EYS: variants seen among roughly 807,000 people sequenced by gnomAD.
EYS encodes protein eyes shut homolog.
In EYS, 250 loss-of-function variants were observed where a neutral mutation model predicts 282.1. The ratio of observed to expected loss-of-function variants is 0.89; its 90% confidence interval spans 0.80 to 0.98. The LOEUF (loss-of-function observed/expected upper bound fraction) is 0.98. Ranked by LOEUF, EYS falls within the 50% of genes least tolerant of loss-of-function variation. The pLI, the probability that EYS is intolerant of heterozygous loss-of-function variation, is 0.00. For synonymous variants in EYS, 1,355 were observed against 1,282.9 expected (o/e 1.06, Z -1.20); for missense variants, 4,016 against 3,709.0 (o/e 1.08, Z -2.15).
chr6:65,013,434 A>T (rs1003284520), intron 13 of EYS, among the ~76,000 whole-genome samples: 1 of 152,140 alleles, frequency 6.6e-6, no homozygotes, highest in African/African-American at 2.4e-5. Context: ...AAGAACAATG[A>T]TGGGTTCAAA....
At chr6:65,149,656 G>A (rs1764564550) in intron 12 of EYS, among the ~76,000 whole-genome samples, 1 of 151,886 alleles carries the variant, frequency 6.6e-6, no homozygotes, top group Non-Finnish European at 1.5e-5. Context: ...CATTCAACAT[G>A]TCTCTAGGAA....
intron 12 of EYS, among the ~76,000 whole-genome samples, chr6:65,192,918 C>T (rs1380722692): frequency 1.3e-5 from 2 of 151,778 alleles, no homozygotes; most frequent in Non-Finnish European, 2.9e-5. Flanking sequence ...GGGTTGGGAA[C>T]ATGTTAACTC....
chr6:64,373,298 G>A (rs375402995), intron 29 of EYS, among the ~76,000 whole-genome samples: 205 of 152,136 alleles, frequency 1.3e-3, no homozygotes, highest in African/African-American at 4.7e-3. Context: ...TGGTTGAATG[G>A]CTTCACTTCT....
intron 12 of EYS, among the ~76,000 whole-genome samples, chr6:65,139,058 T>G (rs1764247108): frequency 6.6e-6 from 1 of 152,026 alleles, no homozygotes; most frequent in South Asian, 2.1e-4. Context: ...AGAATTACCA[T>G]TTAACCCAGA....
chr6:64,964,493 G>A (rs989232837), intron 14 of EYS, among the ~76,000 whole-genome samples: 2 of 151,884 alleles, frequency 1.3e-5, no homozygotes, highest in African/African-American at 4.8e-5. Context: ...CCTGTCCACT[G>A]AGATAATTCG....
At chr6:63,748,975 C>CA (rs553371554) in intron 41 of EYS, among the ~76,000 whole-genome samples, 279 of 152,124 alleles carry the variant, frequency 1.8e-3, no homozygotes, top group Non-Finnish European at 3.3e-3. Context: ...TTTTGTGTCT[C>CA]AATCTCCTTC....
chr6:64,987,435 C>A (rs979356311), intron 14 of EYS, among the ~76,000 whole-genome samples: 8 of 151,476 alleles, frequency 5.3e-5, no homozygotes, highest in African/African-American at 1.5e-4. Context: ...ATCCCCAAAG[C>A]GGGAATACCA....
chr6:63,723,462 G>A (rs946696220), intron 42 of EYS, among the ~76,000 whole-genome samples: 1 of 152,106 alleles, frequency 6.6e-6, no homozygotes, highest in African/African-American at 2.4e-5. Flanking sequence ...CTTGCTCCTT[G>A]TGTTGTAGAG....
Position 65,558,650 on chromosome 6 carries a change from A to G in EYS, c.-332-62657T>C, listed in dbSNP as rs574302161. ...GCCACCACTGCCACCAACAAGATGA[A>G]CAACAAGAATACAGCAAGAAACACA... On this transcript the variant is annotated intron_variant, in intron 2 of 42. Transcript: ENST00000503581. Among the ~76,000 whole-genome samples, 8 of 152,334 alleles carry G rather than the reference A, an allele frequency of 5.3e-5. No individual in the cohort carries two copies. The South Asian group carries it at 8.3e-4, about 16-fold the overall frequency.
At chr6:63,896,242 A>T (rs1315379209) in intron 35 of EYS, among the ~76,000 whole-genome samples, 1 of 152,046 alleles carries the variant, frequency 6.6e-6, no homozygotes, top group Non-Finnish European at 1.5e-5. Flanking sequence ...ATTTAATTCC[A>T]CTGTATCGTG....
rs574327470 is a variant in EYS, at chr6:64,412,967, T to G, written c.5927+23207A>C. Among the ~76,000 whole-genome samples, 37 of 152,256 alleles carry G rather than the reference T, an allele frequency of 2.4e-4. 1 individual carries two copies. In the South Asian group the frequency reaches 7.7e-3, roughly 32 times the overall value. On this transcript the variant is annotated intron_variant, in intron 28 of 42. Coordinates refer to ENST00000503581, the MANE Select transcript of EYS (RefSeq NM_001142800.2). ...CTAATTTAGCCGAATTTATGATGCA[T>G]GCCTGTGGAGGAGGATACTAGTAGA...
At chr6:64,837,904 T>C (rs1344071890) in intron 19 of EYS, among the ~76,000 whole-genome samples, 1 of 151,456 alleles carries the variant, frequency 6.6e-6, no homozygotes, top group East Asian at 1.9e-4. Flanking sequence ...ATGAGAACAA[T>C]ATACACCATT....
At position 65,615,695 on chromosome 6, in the gene EYS, G is replaced by A. The variant is rs373747859; in HGVS notation, c.-333+24083C>T. ...CACGCCTGTAATCCCAGCACTTTGGGAGGCCAAGGCGGGCAGATCATGAGG... is the reference window on the plus strand; with the variant it reads ...CACGCCTGTAATCCCAGCACTTTGGAAGGCCAAGGCGGGCAGATCATGAGG... On this transcript the variant is annotated intron_variant, in intron 2 of 42. Transcript: ENST00000503581. 1.1e-4 allele frequency among the ~76,000 whole-genome samples: 17 copies of A among 152,158 alleles called. No homozygotes were observed. The East Asian group carries it at 2.7e-3, about 24-fold the overall frequency.
intron 10 of EYS, among the ~76,000 whole-genome samples, chr6:65,340,802 T>G (rs1178077111): frequency 1.3e-5 from 2 of 151,114 alleles, no homozygotes; most frequent in African/African-American, 4.8e-5. Context: ...ACCAGAATAG[T>G]CTGGTGGTCT....
At chr6:64,368,681 AT>A (rs1330903006) in intron 29 of EYS, among the ~76,000 whole-genome samples, 1 of 151,934 alleles carries the variant, frequency 6.6e-6, no homozygotes, top group Non-Finnish European at 1.5e-5. Context: ...CATTTTTCAT[AT>A]GTTTGTTGCC....
At position 65,340,295 on chromosome 6, in the gene EYS, T is replaced by C. The variant is rs1047470325; in HGVS notation, c.1599+3743A>G. Among the ~76,000 whole-genome samples, 6 of 151,278 alleles carry C rather than the reference T, an allele frequency of 4.0e-5. No individual in the cohort carries two copies. The East Asian group carries it at 1.2e-3, about 30-fold the overall frequency. On this transcript the variant is annotated intron_variant, in intron 10 of 42. Coordinates refer to ENST00000503581, the MANE Select transcript of EYS (RefSeq NM_001142800.2). ...GAAAATAAGATAAACTTATTTGTAA[T>C]TATGTGTTTCCATTCCAGAAGCATT...
At chr6:65,330,182 G>GTA (rs760430054) in intron 11 of EYS, 25 of 978,074 alleles carry the variant, frequency 2.6e-5, no homozygotes, top group Non-Finnish European at 2.9e-5. Flanking sequence ...TCTTACCTAT[G>GTA]TATAGTACAT....
intron 5 of EYS, among the ~76,000 whole-genome samples, chr6:65,421,802 G>C (rs768858443): frequency 6.6e-6 from 1 of 151,818 alleles, no homozygotes; most frequent in Non-Finnish European, 1.5e-5. Flanking sequence ...AAGAGGGGGA[G>C]AGAAAGCAGA....
chr6:64,627,224 C>T (rs1336599435), intron 22 of EYS, among the ~76,000 whole-genome samples: 1 of 152,040 alleles, frequency 6.6e-6, no homozygotes, highest in African/African-American at 2.4e-5. Context: ...AGCACTGAGC[C>T]CAGTTGGGAA....
Sources: allele counts gnomAD v4.1 joint callset (sites outside exome capture counted in the v4.1 genomes callset), GRCh38; gene constraint gnomAD v4.1.1; transcripts MANE v1.5; gene names NCBI Gene and HGNC (gene_info 2026-07-23, HGNC 2026-07-21).